EVA1C: variants seen among roughly 807,000 people sequenced by gnomAD.
EVA1C encodes protein eva-1 homolog C.
A neutral mutation model predicts 45.4 loss-of-function variants in EVA1C; 25 were observed. The observed-to-expected ratio is 0.55, with a 90% CI of 0.40 to 0.77. The LOEUF (loss-of-function observed/expected upper bound fraction) is 0.77, where lower values mean the gene tolerates loss of function less well. EVA1C is among the 30% of genes least tolerant of loss of function. The probability of loss-of-function intolerance (pLI) is 0.00; values close to 1 mark genes in which losing one functional copy is unlikely to be tolerated. For synonymous variants in EVA1C, 190 were observed against 221.2 expected, an observed-to-expected ratio of 0.86 and a Z score of 1.25; for missense variants, 479 against 554.8, an observed-to-expected ratio of 0.86 and a Z score of 1.37.
chr21:32,485,217 G>A (rs1384974929), intron 4 of EVA1C, among the ~76,000 whole-genome samples: 1 of 151,998 alleles, frequency 6.6e-6, no homozygotes. Context: ...GTCTCACTCT[G>A]TCACACAGGC....
intron 1 of EVA1C, among the ~76,000 whole-genome samples, chr21:32,431,277 G>A (rs1247663234): frequency 6.6e-6 from 1 of 152,316 alleles, no homozygotes; most frequent in East Asian, 1.9e-4. Flanking sequence ...TCTTATTAGT[G>A]GAAGGACCAA....
intron 7 of EVA1C, among the ~76,000 whole-genome samples, chr21:32,507,916 CGT>C (rs1568956059): frequency 4.4e-5 from 6 of 135,872 alleles, no homozygotes; most frequent in East Asian, 2.4e-4. Flanking sequence ...TGTGTGTGTG[CGT>C]GTGTGCCTGT....
At chr21:32,478,892 C>T (rs1026493856) in intron 4 of EVA1C, among the ~76,000 whole-genome samples, 2 of 152,256 alleles carry the variant, frequency 1.3e-5, no homozygotes, top group East Asian at 1.9e-4. Context: ...GCTAAGGCCA[C>T]TCCGAGGCCA....
intron 3 of EVA1C, among the ~76,000 whole-genome samples, chr21:32,467,195 G>C (rs1420529155): frequency 6.6e-6 from 1 of 152,146 alleles, no homozygotes; most frequent in Non-Finnish European, 1.5e-5. Flanking sequence ...ATACCTACAT[G>C]CATGGGGATG....
intron 1 of EVA1C, among the ~76,000 whole-genome samples, chr21:32,417,164 C>T (rs1360038993): frequency 6.6e-6 from 1 of 152,236 alleles, no homozygotes; most frequent in East Asian, 1.9e-4. Context: ...CCATTGGTAG[C>T]CCAAGTGAGC....
chr21:32,507,913 G>A (rs1302750101), intron 7 of EVA1C, among the ~76,000 whole-genome samples: 3 of 150,166 alleles, frequency 2.0e-5, no homozygotes, highest in Non-Finnish European at 2.9e-5. Context: ...ATCTGTGTGT[G>A]TGCGTGTGTG....
intron 7 of EVA1C, among the ~76,000 whole-genome samples, chr21:32,513,475 G>C (rs141360372): frequency 6.8e-6 from 1 of 146,620 alleles, no homozygotes; most frequent in African/African-American, 2.5e-5. Flanking sequence ...CACCGTGCCC[G>C]GCCAATACTT....
chr21:32,434,465 C>G (rs1468588321), intron 1 of EVA1C, among the ~76,000 whole-genome samples: 1 of 151,546 alleles, frequency 6.6e-6, no homozygotes, highest in African/African-American at 2.4e-5. Flanking sequence ...GTGGTGGGCA[C>G]CTGTAGTCCC....
intron 6 of EVA1C, among the ~76,000 whole-genome samples, chr21:32,502,538 T>C (rs1203169521): frequency 6.6e-6 from 1 of 152,168 alleles, no homozygotes; most frequent in African/African-American, 2.4e-5. Context: ...AGAGACCCCG[T>C]AGAGCATCTA....
At chr21:32,446,117 C>A (rs1480701052) in intron 1 of EVA1C, among the ~76,000 whole-genome samples, 1 of 152,140 alleles carries the variant, frequency 6.6e-6, no homozygotes, top group Non-Finnish European at 1.5e-5. Context: ...GTGGCACGTG[C>A]CTGTAGTCCC....
intron 1 of EVA1C, among the ~76,000 whole-genome samples, chr21:32,450,503 G>A (rs774909006): frequency 5.0e-4 from 10 of 19,840 alleles, no homozygotes; most frequent in Non-Finnish European, 7.8e-4. Flanking sequence ...TTTATTCCCC[G>A]GACCACAGTC....
chr21:32,471,032 T>C (rs1325906942), intron 4 of EVA1C, among the ~76,000 whole-genome samples: 1 of 152,082 alleles, frequency 6.6e-6, no homozygotes, highest in Non-Finnish European at 1.5e-5. Flanking sequence ...GTACTGGGAT[T>C]ACAGGCGTGA....
At chr21:32,443,000 AGGAGGGAG>A (rs1279952008) in intron 1 of EVA1C, among the ~76,000 whole-genome samples, 1 of 65,134 alleles carries the variant, frequency 1.5e-5, no homozygotes, top group African/African-American at 5.9e-5. Context: ...GAGGGAGGGA[AGGAGGGAG>A]GGAGGGAGGG....
At chr21:32,497,320 G>T in intron 5 of EVA1C, 1 of 637,256 alleles carries the variant, frequency 1.6e-6, no homozygotes, top group South Asian at 1.6e-5. Context: ...GATATAGGTG[G>T]ACTTTTTTAA....
intron 4 of EVA1C, among the ~76,000 whole-genome samples, chr21:32,469,840 T>C (rs1413299223): frequency 6.6e-6 from 1 of 152,162 alleles, no homozygotes; most frequent in African/African-American, 2.4e-5. Context: ...CCCATCCACG[T>C]GGTGGAGTTC....
intron 2 of EVA1C, among the ~76,000 whole-genome samples, chr21:32,453,718 C>T (rs2035674004): frequency 6.6e-6 from 1 of 152,186 alleles, no homozygotes; most frequent in African/African-American, 2.4e-5. Context: ...AAATAGAATT[C>T]CTACCTATTG....
rs565508861 is a variant in EVA1C at position 32,494,644 on chromosome 21, A to G, written c.635-383A>G. On this transcript the variant is annotated intron_variant, in intron 4 of 7. Coordinates refer to ENST00000300255, the MANE Select transcript of EVA1C (RefSeq NM_058187.5). The stretch of plus-strand genomic sequence containing the variant: ...CTAAAAATACAAAAATTAGCTGGGC[A>G]TAGTGGCATGCGCCTGTAGTCCCAG... Among the ~76,000 whole-genome samples the G allele has an allele frequency of 2.0e-5, 3 of 152,224 alleles. No homozygotes were observed. In the South Asian group the frequency reaches 6.2e-4, roughly 32 times the overall value.
intron 1 of EVA1C, among the ~76,000 whole-genome samples, chr21:32,422,424 T>G (rs527627878): frequency 7.9e-5 from 12 of 152,214 alleles, no homozygotes; most frequent in African/African-American, 2.9e-4. Flanking sequence ...GAGGCAACAC[T>G]CAAAGTGATG....
chr21:32,466,332 T>C (rs1601340410), intron 3 of EVA1C, among the ~76,000 whole-genome samples: 1 of 149,316 alleles, frequency 6.7e-6, no homozygotes, highest in South Asian at 2.1e-4. Flanking sequence ...GGCAAGAGAA[T>C]GGCATGAACC....
Sources: gnomAD v4.1 joint callset for allele counts (sites outside exome capture counted in the v4.1 genomes callset) on GRCh38, gnomAD v4.1.1 for gene constraint, MANE v1.5 for transcripts, NCBI Gene and HGNC (gene_info 2026-07-23, HGNC 2026-07-21) for gene names.